Variants in SNX30 observed in about 807,000 individuals in gnomAD.
The protein encoded by SNX30 is sorting nexin family member 30, also known as sorting nexin-30.
In SNX30, 24 loss-of-function variants were observed where a neutral mutation model predicts 46.4. The ratio of observed to expected loss-of-function variants is 0.52; its 90% confidence interval spans 0.37 to 0.73. The LOEUF is 0.73. Among genes scored for constraint, SNX30 ranks in the 30% least tolerant of loss-of-function variants. The probability of loss-of-function intolerance (pLI) is 0.00; values close to 1 mark genes in which losing one functional copy is unlikely to be tolerated. For missense variants in SNX30, 533 were observed against 555.7 expected (o/e 0.96, Z 0.41); for synonymous variants, 189 against 211.5 (o/e 0.89, Z 0.92).
intron 8 of SNX30, among the ~76,000 whole-genome samples, chr9:112,866,992 T>C (rs373927853): frequency 0.048 from 37 of 778 alleles, no homozygotes; most frequent in Admixed American, 0.067. Flanking sequence ...GAATTCCTTC[T>C]CCCTCCTCAG....
At chr9:112,837,928 T>C (rs1013719652) in intron 5 of SNX30, among the ~76,000 whole-genome samples, 4 of 148,322 alleles carry the variant, frequency 2.7e-5, no homozygotes, top group African/African-American at 5.1e-5. Context: ...TCTCGCTTTG[T>C]TGCCCAGGCT....
rs1564285722 is a variant in SNX30 at position 112,834,842 on chromosome 9, AAACACACACAC to A, written c.619-1370_619-1360del. Among the ~76,000 whole-genome samples the A allele has an allele frequency of 5.1e-3, 549 of 107,428 alleles. 2 individuals carry two copies. Among genetic ancestry groups the A allele is most frequent in the African/African-American group, 0.017 (517 of 30,708 alleles). 70.5% of individuals were successfully genotyped at this position (107,428 alleles called of 152,430 possible). A position where few individuals can be genotyped will look rare whatever the true frequency, so the allele number is the denominator to read the frequency against. Reference sequence around the variant, plus strand: ...CCGTGGATTAAACACACACACACACAAACACACACACACACACACACACACACACACACACA... The same window carrying A: ...CCGTGGATTAAACACACACACACACAACACACACACACACACACACACACA... On this transcript the variant is annotated intron_variant, in intron 4 of 8. Coordinates refer to ENST00000374232, the MANE Select transcript of SNX30 (RefSeq NM_001012994.2).
At chr9:112,839,175 C>T (rs10981523) in intron 6 of SNX30, among the ~76,000 whole-genome samples, 26,591 of 152,028 alleles carry the variant, frequency 0.17, 3,136 homozygotes, top group African/African-American at 0.34. Context: ...GTTCAGCATC[C>T]GACTGATAAG....
chr9:112,880,090 G>T, exon 5 of SNX30: 1 of 307,100 alleles, frequency 3.3e-6, no homozygotes, highest in Non-Finnish European at 6.1e-6. Context: ...CAACAGTTTG[G>T]GAGGTTGAGG....
At chr9:112,866,541 G>C in intron 8 of SNX30, 1 of 470,530 alleles carries the variant, frequency 2.1e-6, no homozygotes, top group South Asian at 1.5e-5. Flanking sequence ...GAATGCCACA[G>C]ACCCCAGATC....
At chr9:112,850,833 A>G in intron 6 of SNX30, 26 bp from the exon 7 acceptor site, 1 of 1,588,538 alleles carries the variant, frequency 6.3e-7, no homozygotes, top group African/African-American at 1.3e-5. Flanking sequence ...TCAGTGTTAC[A>G]TGCTTCTCTC....
At chr9:112,827,953 A>C (rs1840603104) in intron 3 of SNX30, among the ~76,000 whole-genome samples, 1 of 152,248 alleles carries the variant, frequency 6.6e-6, no homozygotes, top group South Asian at 2.1e-4. Flanking sequence ...CATCTGCACG[A>C]GTGTTCACAG....
At chr9:112,815,162 G>A (rs1322966600) in intron 2 of SNX30, among the ~76,000 whole-genome samples, 1 of 149,100 alleles carries the variant, frequency 6.7e-6, no homozygotes, top group Non-Finnish European at 1.5e-5. Flanking sequence ...TATATAACCC[G>A]AATAAATAGA....
intron 7 of SNX30, among the ~76,000 whole-genome samples, chr9:112,862,073 A>T (rs951805599): frequency 1.3e-5 from 2 of 152,214 alleles, no homozygotes; most frequent in Non-Finnish European, 2.9e-5. Context: ...TGTGTTGTGA[A>T]ACTGAGAAGC....
intron 7 of SNX30, among the ~76,000 whole-genome samples, chr9:112,862,770 C>G (rs1483736458): frequency 6.6e-6 from 1 of 151,786 alleles, no homozygotes; most frequent in Non-Finnish European, 1.5e-5. Context: ...ACTATGTTGC[C>G]CAGGCTGGTC....
At chr9:112,834,640 T>C (rs989108613) in intron 4 of SNX30, among the ~76,000 whole-genome samples, 2 of 152,042 alleles carry the variant, frequency 1.3e-5, no homozygotes, top group African/African-American at 4.8e-5. Flanking sequence ...CATTCCATCC[T>C]CCAGGGTGTA....
chr9:112,884,158 A>G (rs1044488928), downstream of SNX30, among the ~76,000 whole-genome samples: 2 of 152,220 alleles, frequency 1.3e-5, no homozygotes, highest in African/African-American at 4.8e-5. Flanking sequence ...CGGTGGCATG[A>G]AATCGGCTCA....
chr9:112,791,714 C>T (rs530647499), intron 1 of SNX30, among the ~76,000 whole-genome samples: 14 of 152,142 alleles, frequency 9.2e-5, no homozygotes, highest in African/African-American at 2.7e-4. Flanking sequence ...TGGCCGGGAA[C>T]TTTCTTTTTA....
At chr9:112,865,929 T>C (rs764770606) in intron 8 of SNX30, among the ~76,000 whole-genome samples, 1 of 151,848 alleles carries the variant, frequency 6.6e-6, no homozygotes, top group Non-Finnish European at 1.5e-5. Flanking sequence ...AAACCAACTA[T>C]GTCAAATGTC....
intron 2 of SNX30, among the ~76,000 whole-genome samples, chr9:112,813,042 G>T (rs1840343807): frequency 1.3e-5 from 2 of 152,062 alleles, no homozygotes; most frequent in Admixed American, 6.6e-5. Context: ...AGCTACTTGG[G>T]AGGCTAAGGC....
At position 112,751,137 on chromosome 9, in the gene SNX30, G is replaced by C; in HGVS notation, c.136G>C (p.Ala46Pro). The change falls in exon 1 of 9, where the codon GCC becomes CCC. Residue 46 changes from alanine to proline, a missense_variant. Around this residue, in one of 3 missense-constraint regions of SNX30, gnomAD observed 191 missense variants for 160.3 expected, o/e 1.19. Coordinates refer to ENST00000374232, the MANE Select transcript of SNX30 (RefSeq NM_001012994.2). ...DSTPSPDLLM[A>P]RSFGDKDLIL... The stretch of plus-strand genomic sequence containing the variant: ...CACGCCCAGCCCGGACCTGCTGATG[G>C]CCCGCAGCTTCGGTGACAAGGTGGG... The C allele has an allele frequency of 6.7e-7, 1 of 1,495,252 alleles. No homozygotes were observed. The highest frequency in any genetic ancestry group is 2.2e-4 in the Middle Eastern group (1 of 4,630). 92.6% of individuals were successfully genotyped at this position (1,495,252 alleles called of 1,614,324 possible). A position where few individuals can be genotyped will look rare whatever the true frequency, so the allele number is the denominator to read the frequency against.
chr9:112,863,928 C>T (rs1457184020), intron 7 of SNX30, among the ~76,000 whole-genome samples: 1 of 152,162 alleles, frequency 6.6e-6, no homozygotes, highest in Non-Finnish European at 1.5e-5. Context: ...TGAGTAAATC[C>T]TAAAAGGAAC....
At chr9:112,815,061 A>G (rs1238115530) in intron 2 of SNX30, among the ~76,000 whole-genome samples, 2 of 152,222 alleles carry the variant, frequency 1.3e-5, no homozygotes, top group Non-Finnish European at 2.9e-5. Context: ...ATGGAAACAT[A>G]TAAACCATGT....
At chr9:112,783,466 C>T (rs1839876649) in intron 1 of SNX30, among the ~76,000 whole-genome samples, 1 of 152,218 alleles carries the variant, frequency 6.6e-6, no homozygotes, top group Admixed American at 6.5e-5. Flanking sequence ...ATTTCTTTAT[C>T]TTCCCTTCCC....
Sources: gnomAD v4.1 joint callset for allele counts (sites outside exome capture counted in the v4.1 genomes callset) on GRCh38, gnomAD v4.1.1 for gene constraint, gnomAD v4.1.1 regional missense constraint, MANE v1.5 for transcripts, NCBI Gene and HGNC (gene_info 2026-07-23, HGNC 2026-07-21) for gene names.